The following DCDC1 variants were observed in gnomAD, a reference collection of about 807,000 sequenced individuals.
DCDC1 encodes doublecortin domain containing 1.
DCDC1 carries 200 observed loss-of-function variants against 178.3 expected under a neutral mutation model. The observed-to-expected ratio is 1.12, with a 90% CI of 1.00 to 1.26. The LOEUF (loss-of-function observed/expected upper bound fraction) is 1.26. Among genes scored for constraint, DCDC1 ranks in the 50% most tolerant of loss-of-function variants. The probability of loss-of-function intolerance (pLI) is 0.00; values close to 1 mark genes in which losing one functional copy is unlikely to be tolerated. For synonymous variants in DCDC1, 690 were observed against 604.8 expected (o/e 1.14, Z -2.07); for missense variants, 1,983 against 1,749.2 (o/e 1.13, Z -2.38).
chr11:30,895,812 T>A (rs1320990732), intron 34 of DCDC1, among the ~76,000 whole-genome samples: 6 of 152,186 alleles, frequency 3.9e-5, no homozygotes, highest in Non-Finnish European at 8.8e-5. Context: ...ATACTAAATA[T>A]AGTTTTTACC....
chr11:30,916,915 G>T lies in DCDC1; in HGVS notation c.3407C>A (p.Thr1136Lys). The T allele has an allele frequency of 1.2e-6, 2 of 1,607,768 alleles. No individual in the cohort carries two copies. The highest frequency in any genetic ancestry group is 1.7e-5 in the Admixed American group (1 of 59,106). Residue 1136 changes from threonine to lysine, a missense_variant, in exon 26 of 39, where the codon ACG (threonine) becomes AAG (lysine). By Grantham distance (78) the Thr-to-Lys change is moderately conservative. Transcript: ENST00000684477. The part of the protein sequence containing the change: ...FDEDDSLPKK[T>K]EKGLFENVEP... ...CACATTTTCAAAGAGCCCTTTTTCC[G>T]TTTTCTTTGGAAGACTGTCATCCTC...
chr11:31,349,667 A>AT (rs1950979374), intron 1 of DCDC1, among the ~76,000 whole-genome samples: 1 of 151,994 alleles, frequency 6.6e-6, no homozygotes, highest in African/African-American at 2.4e-5. Flanking sequence ...GATTTTACAG[A>AT]TTTTTTTAAA....
chr11:30,901,381 T>A (rs146185492), intron 32 of DCDC1, among the ~76,000 whole-genome samples: 127 of 152,290 alleles, frequency 8.3e-4, no homozygotes, highest in African/African-American at 2.7e-3. Context: ...TTTACAGATA[T>A]GATAACTGAG....
chr11:31,309,990 A>C (rs557065721), intron 3 of DCDC1, among the ~76,000 whole-genome samples: 21 of 152,136 alleles, frequency 1.4e-4, no homozygotes, highest in Non-Finnish European at 2.9e-4. Flanking sequence ...TTTGTCACAC[A>C]CATCTTCCCC....
intron 9 of DCDC1, among the ~76,000 whole-genome samples, chr11:31,225,542 T>A (rs917227270): frequency 1.9e-4 from 29 of 150,986 alleles, no homozygotes; most frequent in Non-Finnish European, 3.0e-4. Flanking sequence ...AATAACAATA[T>A]ATACATATAA....
At chr11:30,994,910 G>A (rs1405106590) in intron 20 of DCDC1, among the ~76,000 whole-genome samples, 5 of 150,606 alleles carry the variant, frequency 3.3e-5, no homozygotes, top group Non-Finnish European at 7.4e-5. Context: ...CATGGTCCCA[G>A]AAATCCTTGG....
At chr11:30,919,020 T>C (rs768696247) in intron 25 of DCDC1, among the ~76,000 whole-genome samples, 2 of 152,076 alleles carry the variant, frequency 1.3e-5, no homozygotes, top group African/African-American at 2.4e-5. Flanking sequence ...TTTTCAAATA[T>C]GCAAAAAACT....
chr11:31,125,920 T>C (rs1565317319), intron 11 of DCDC1, among the ~76,000 whole-genome samples: 1 of 150,370 alleles, frequency 6.7e-6, no homozygotes, highest in Non-Finnish European at 1.5e-5. Context: ...CCCTAGAACT[T>C]AAAAAAAAAT....
At chr11:31,306,535 A>G (rs920382726) in intron 4 of DCDC1, 147 bp from the exon 5 acceptor site, 1 of 799,284 alleles carries the variant, frequency 1.3e-6, no homozygotes. Context: ...TTTTTATAGG[A>G]TAAGATTGTT....
chr11:31,087,335 CT>C (rs988721699), intron 17 of DCDC1, among the ~76,000 whole-genome samples: 15 of 151,316 alleles, frequency 9.9e-5, no homozygotes, highest in African/African-American at 3.6e-4. Flanking sequence ...CATTGGTTTT[CT>C]TTTTTTTCTA....
At position 31,024,794 on chromosome 11, in the gene DCDC1, A is replaced by T. The variant is rs1455275125; in HGVS notation, c.2591+39675T>A. Among the ~76,000 whole-genome samples the T allele has an allele frequency of 1.3e-5, 2 of 151,948 alleles. 1 individual carries two copies. The highest frequency in any genetic ancestry group is 4.1e-4 in the South Asian group (2 of 4,834). On this transcript the variant is annotated intron_variant, in intron 20 of 38. Transcript: ENST00000684477. The stretch of plus-strand genomic sequence containing the variant: ...AATTATAGCATAAGCAAGTTCCCAT[A>T]CTATTAACAACTATTTGGAAAATGT...
intron 1 of DCDC1, among the ~76,000 whole-genome samples, chr11:31,353,804 A>C (rs1264417244): frequency 2.6e-5 from 4 of 152,136 alleles, no homozygotes; most frequent in African/African-American, 9.7e-5. Context: ...AGGTAACCCA[A>C]CCACCTTTGA....
Position 31,050,643 on chromosome 11 carries a change from C to T in DCDC1, c.2591+13826G>A, listed in dbSNP as rs201989108. ...CCACCAGAACAGCCACTGGTATCCT[C>T]GGCTGAGAGACCCATAGATGATTCA... is the stretch of plus-strand genomic sequence containing the variant. On this transcript the variant is annotated intron_variant, in intron 20 of 38. Coordinates refer to ENST00000684477, the MANE Select transcript of DCDC1 (RefSeq NM_001387274.1). Among the ~76,000 whole-genome samples the T allele has an allele frequency of 3.3e-5, 5 of 152,280 alleles. No individual in the cohort carries two copies. In the East Asian group the frequency reaches 5.8e-4, roughly 18 times the overall value.
chr11:31,266,152 T>C (rs1395584651), intron 7 of DCDC1, among the ~76,000 whole-genome samples: 1 of 152,286 alleles, frequency 6.6e-6, no homozygotes, highest in African/African-American at 2.4e-5. Context: ...TGATAACTTA[T>C]GTTGTTTGGG....
intron 21 of DCDC1, among the ~76,000 whole-genome samples, chr11:30,938,780 T>A (rs2134370533): frequency 6.6e-6 from 1 of 152,294 alleles, no homozygotes; most frequent in Middle Eastern, 3.4e-3. Context: ...TTATCCATAG[T>A]TTGGGGGTTA....
intron 6 of DCDC1, among the ~76,000 whole-genome samples, chr11:31,303,719 A>G (rs1948269870): frequency 6.6e-6 from 1 of 152,140 alleles, no homozygotes; most frequent in Non-Finnish European, 1.5e-5. Context: ...ACTTAGATGA[A>G]TGGCTTTTCC....
chr11:30,937,809 T>C (rs1947369357), intron 21 of DCDC1, among the ~76,000 whole-genome samples: 1 of 152,088 alleles, frequency 6.6e-6, no homozygotes, highest in Non-Finnish European at 1.5e-5. Context: ...CCAGTGGACT[T>C]ACAGCCTCTC....
At chr11:30,956,905 C>T (rs1948803142) in intron 20 of DCDC1, among the ~76,000 whole-genome samples, 1 of 152,168 alleles carries the variant, frequency 6.6e-6, no homozygotes, top group Non-Finnish European at 1.5e-5. Flanking sequence ...GGGCACATGA[C>T]TTCTTTCTCA....
intron 3 of DCDC1, among the ~76,000 whole-genome samples, chr11:31,322,283 G>A (rs1211519953): frequency 1.3e-5 from 2 of 152,050 alleles, no homozygotes; most frequent in African/African-American, 2.4e-5. Flanking sequence ...CACAATTTAA[G>A]AAATAAAATA....
Sources: allele counts gnomAD v4.1 joint callset (sites outside exome capture counted in the v4.1 genomes callset), GRCh38; gene constraint gnomAD v4.1.1; transcripts MANE v1.5; gene names NCBI Gene and HGNC (gene_info 2026-07-23, HGNC 2026-07-21).